The following VWA5B1 variants were observed in gnomAD, a reference collection of about 807,000 sequenced individuals.
VWA5B1 encodes the protein von Willebrand factor A domain containing 5B1.
A neutral mutation model predicts 118.2 loss-of-function variants in VWA5B1; 115 were observed. That is an observed-to-expected ratio of 0.97 (90% CI 0.84 to 1.14). The LOEUF is 1.14. Among genes scored for constraint, VWA5B1 ranks in the 50% most tolerant of loss-of-function variants. The pLI is 0.00. For missense variants in VWA5B1, 1,596 were observed against 1,603.8 expected (o/e 1.00, Z 0.08); for synonymous variants, 682 against 658.4 (o/e 1.04, Z -0.55).
intron 8 of VWA5B1, among the ~76,000 whole-genome samples, chr1:20,326,513 T>G (rs949668008): frequency 1.3e-4 from 20 of 152,218 alleles, no homozygotes; most frequent in Non-Finnish European, 2.8e-4. Context: ...TTGCCCAGGC[T>G]GGAGTGCAGT....
At chr1:20,309,666 G>A (rs1396452483) in intron 1 of VWA5B1, among the ~76,000 whole-genome samples, 2 of 152,196 alleles carry the variant, frequency 1.3e-5, no homozygotes, top group African/African-American at 2.4e-5. Context: ...CCATTGGTGG[G>A]TAGAAGAGGG....
chr1:20,326,527 G>A (rs1185985910), intron 8 of VWA5B1, among the ~76,000 whole-genome samples: 2 of 152,070 alleles, frequency 1.3e-5, no homozygotes, highest in Admixed American at 6.5e-5. Flanking sequence ...GTGCAGTGGC[G>A]TGATCTCGGC....
At chr1:20,299,717 T>A (rs771911154) in intron 1 of VWA5B1, among the ~76,000 whole-genome samples, 3 of 152,206 alleles carry the variant, frequency 2.0e-5, no homozygotes, top group Non-Finnish European at 4.4e-5. Flanking sequence ...AGTGGCATCT[T>A]GTTGAAATGA....
At position 20,355,198 on chromosome 1, in the gene VWA5B1, G is replaced by A. The variant is rs1365337279; in HGVS notation, c.*935G>A. 6.6e-6 allele frequency among the ~76,000 whole-genome samples: 1 copy of A among 152,222 alleles called. No homozygotes were observed. Among genetic ancestry groups the A allele is most frequent in the Non-Finnish European group, 1.5e-5 (1 of 68,040 alleles). On this transcript the variant is annotated 3_prime_UTR_variant, in exon 22 of 22. Transcript: ENST00000289815. ...GTAGGTCGCACCATGGGATCAGGGG[G>A]TCCTCTGGAGCCATGCCACGCTGTG...
intron 18 of VWA5B1, 86 bp from the exon 19 acceptor site, chr1:20,350,070 C>G (rs115840235): frequency 7.3e-7 from 1 of 1,376,188 alleles, no homozygotes. Context: ...CTGCAGACAC[C>G]GTGAATTAGA....
At position 20,335,177 on chromosome 1, in the gene VWA5B1, T is replaced by A. The variant is rs189500575; in HGVS notation, c.1759-1126T>A. 9.1e-4 allele frequency among the ~76,000 whole-genome samples: 139 copies of A among 152,228 alleles called. 2 individuals are homozygous for A. The highest frequency in any genetic ancestry group is 5.6e-3 in the Admixed American group (85 of 15,292). On this transcript the variant is annotated intron_variant, in intron 12 of 21. Coordinates refer to ENST00000289815, the MANE Select transcript of VWA5B1 (RefSeq NM_001039500.3). ...TAAAAATTAAAAAATTAGCCAGACG[T>A]GGTGGCATATGCTTGTAGTCCCAAC...
chr1:20,342,369 C>A, intron 14 of VWA5B1, 63 bp from the exon 15 acceptor site: 1 of 1,516,082 alleles, frequency 6.6e-7, no homozygotes, highest in Non-Finnish European at 8.9e-7. Context: ...CTTCCTCCTC[C>A]TTCTCCTCCT....
At chr1:20,300,297 A>C (rs1285890693) in intron 1 of VWA5B1, among the ~76,000 whole-genome samples, 1 of 152,130 alleles carries the variant, frequency 6.6e-6, no homozygotes, top group East Asian at 1.9e-4. Context: ...ATGAGGAATG[A>C]GTATACATCT....
intron 9 of VWA5B1, 84 bp from the exon 10 acceptor site, chr1:20,330,096 C>G: frequency 1.4e-6 from 2 of 1,458,342 alleles, no homozygotes; most frequent in Non-Finnish European, 1.9e-6. Context: ...AAAAGAAGAT[C>G]TAGGGAAACA....
At chr1:20,349,439 A>G (rs919218771) in intron 18 of VWA5B1, 6 of 153,570 alleles carry the variant, frequency 3.9e-5, no homozygotes, top group African/African-American at 1.5e-4. Context: ...GCTGGAGTGC[A>G]GTGGCACGAT....
chr1:20,319,565 G>T (rs1018352748), intron 7 of VWA5B1, 59 bp downstream of exon 7: 4 of 1,544,304 alleles, frequency 2.6e-6, no homozygotes, highest in Non-Finnish European at 3.5e-6. Flanking sequence ...GCTGAGGCCT[G>T]GTCTCCACTG....
At chr1:20,336,121 C>A (rs529923172) in intron 12 of VWA5B1, among the ~76,000 whole-genome samples, 182 bp from the exon 13 acceptor site, 1 of 152,218 alleles carries the variant, frequency 6.6e-6, no homozygotes, top group East Asian at 1.9e-4. Flanking sequence ...ACGATAATTC[C>A]ATTCACCATC....
intron 7 of VWA5B1, among the ~76,000 whole-genome samples, chr1:20,319,893 C>T (rs1490132076): frequency 1.3e-5 from 2 of 152,340 alleles, no homozygotes; most frequent in Non-Finnish European, 2.9e-5. Flanking sequence ...TAGCCTCTTG[C>T]TCTTCCTCCC....
intron 21 of VWA5B1, among the ~76,000 whole-genome samples, chr1:20,353,346 G>T (rs946776666): frequency 5.9e-5 from 9 of 152,120 alleles, no homozygotes; most frequent in African/African-American, 2.2e-4. Flanking sequence ...GGTGGGGAGA[G>T]GGGAGGAAAG....
intron 7 of VWA5B1, among the ~76,000 whole-genome samples, chr1:20,321,961 C>T (rs2089232146): frequency 6.6e-6 from 1 of 152,172 alleles, no homozygotes; most frequent in Non-Finnish European, 1.5e-5. Flanking sequence ...ATGACAAGAA[C>T]AGTCGCTCTG....
chr1:20,302,418 C>T (rs2088526236), intron 1 of VWA5B1, among the ~76,000 whole-genome samples: 1 of 152,192 alleles, frequency 6.6e-6, no homozygotes, highest in South Asian at 2.1e-4. Flanking sequence ...ATTCATTCAA[C>T]CAATAGAGCA....
Position 20,350,207 on chromosome 1 carries a change from G to T in VWA5B1, c.2930G>T (p.Arg977Leu), listed in dbSNP as rs61744712. Residue 977 changes from arginine (R) to leucine (L), a missense_variant, in exon 19 of 22, where the codon CGC (arginine) becomes CTC (leucine). Physicochemically the swap from Arg to Leu is moderately radical, Grantham distance 102 (BLOSUM62 -2). Coordinates refer to ENST00000289815, the MANE Select transcript of VWA5B1 (RefSeq NM_001039500.3). Reference protein sequence around the residue: ...ALFSEARSPGREKHGASEGPQ... With the variant: ...ALFSEARSPGLEKHGASEGPQ... ...TTCAGCGAGGCCAGGTCCCCCGGCC[G>T]CGAGAAGCACGGTGCTTCTGAAGGT... The T allele has an allele frequency of 3.7e-5, 57 of 1,550,994 alleles. No homozygotes were observed. In the Admixed American group the frequency reaches 1.0e-3, roughly 28 times the overall value.
At chr1:20,307,868 T>C (rs1320523812) in intron 1 of VWA5B1, among the ~76,000 whole-genome samples, 3 of 105,782 alleles carry the variant, frequency 2.8e-5, no homozygotes, top group African/African-American at 6.1e-5. Flanking sequence ...TGTGTGTGTA[T>C]TTTTTTTAAG....
intron 8 of VWA5B1, among the ~76,000 whole-genome samples, chr1:20,326,885 A>G (rs1280748388): frequency 6.6e-6 from 1 of 152,180 alleles, no homozygotes; most frequent in Non-Finnish European, 1.5e-5. Context: ...CTGAGTTGAT[A>G]ATGATAACCA....
Sources: gnomAD v4.1 joint callset for allele counts (sites outside exome capture counted in the v4.1 genomes callset) on GRCh38, gnomAD v4.1.1 for gene constraint, MANE v1.5 for transcripts, NCBI Gene and HGNC (gene_info 2026-07-23, HGNC 2026-07-21) for gene names.